CTIF: variants seen among roughly 807,000 people sequenced by gnomAD.
CTIF encodes CBP80/20-dependent translation initiation factor.
Under a neutral mutation model 66.0 loss-of-function variants are expected in CTIF, and 21 were observed. The observed-to-expected ratio is 0.32, with a 90% CI of 0.23 to 0.46. The LOEUF (loss-of-function observed/expected upper bound fraction) is 0.46. Among genes scored for constraint, CTIF ranks in the 20% least tolerant of loss-of-function variants. CTIF has a pLI of 1.00. For synonymous variants in CTIF, 345 were observed against 326.4 expected (o/e 1.06, Z -0.62); for missense variants, 739 against 812.7 (o/e 0.91, Z 1.10).
At chr18:48,638,416 C>G (rs901067892) in intron 3 of CTIF, among the ~76,000 whole-genome samples, 9 of 152,138 alleles carry the variant, frequency 5.9e-5, no homozygotes, top group Non-Finnish European at 1.3e-4. Flanking sequence ...TGTCTGCTGT[C>G]TTTCCCCTCT....
At chr18:48,846,236 A>AT (rs2069068471) in intron 10 of CTIF, among the ~76,000 whole-genome samples, 1 of 152,034 alleles carries the variant, frequency 6.6e-6, no homozygotes, top group African/African-American at 2.4e-5. Context: ...GCTAGTGCAC[A>AT]TTTTTTGCTT....
At chr18:48,689,174 C>T (rs1367882159) in intron 6 of CTIF, among the ~76,000 whole-genome samples, 1 of 152,252 alleles carries the variant, frequency 6.6e-6, no homozygotes, top group Non-Finnish European at 1.5e-5. Flanking sequence ...TCATTGTTCT[C>T]TGTTCTGCAT....
At chr18:48,768,644 T>C (rs1909810819) in intron 9 of CTIF, among the ~76,000 whole-genome samples, 1 of 152,192 alleles carries the variant, frequency 6.6e-6, no homozygotes, top group South Asian at 2.1e-4. Flanking sequence ...GAGCAATGGC[T>C]CATGCCTGTA....
In CTIF at chr18:48,736,613, G is replaced by A. The variant is rs79257143; in HGVS notation, c.585-21306G>A. ...GTGTGAGTCGTGATGGGGGTTGGGG[G>A]AAGAAGGAAAAACATATAGAATGGG... On this transcript the variant is annotated intron_variant, in intron 7 of 11. Coordinates refer to ENST00000256413, the MANE Select transcript of CTIF (RefSeq NM_014772.3). 3.5e-3 allele frequency among the ~76,000 whole-genome samples: 526 copies of A among 152,320 alleles called. 2 individuals carry two copies. The highest frequency in any genetic ancestry group is 0.012 in the African/African-American group (488 of 41,566).
rs34004475 is a variant in CTIF, at chr18:48,808,516, C to CTTT, written c.1372-8690_1372-8688dup. Reference sequence around the variant, plus strand: ...TTTCATTCTCTTCAAATTTTTGGTCCTTTTTTTTTTTTTTTTTAACATTTG... The same window carrying CTTT: ...TTTCATTCTCTTCAAATTTTTGGTCCTTTTTTTTTTTTTTTTTTTTAACATTTG... On this transcript the variant is annotated intron_variant, in intron 9 of 11. Transcript: ENST00000256413. 1.9e-3 allele frequency among the ~76,000 whole-genome samples: 259 copies of CTTT among 135,524 alleles called. 2 individuals are homozygous for CTTT. The East Asian group carries it at 0.022, about 12-fold the overall frequency. The allele number at this position is 135,524 out of a possible 152,430, so 88.9% of individuals were successfully genotyped here.
intron 1 of CTIF, among the ~76,000 whole-genome samples, chr18:48,547,156 G>A (rs2088771584): frequency 6.6e-6 from 1 of 152,138 alleles, no homozygotes; most frequent in African/African-American, 2.4e-5. Context: ...TTTTAAAAGG[G>A]CCTTGGAGAC....
At chr18:48,750,460 G>A (rs1467304776) in intron 7 of CTIF, among the ~76,000 whole-genome samples, 2 of 152,252 alleles carry the variant, frequency 1.3e-5, no homozygotes, top group Non-Finnish European at 1.5e-5. Context: ...GCAGGAGTCT[G>A]CACGCTTTCC....
At chr18:48,745,128 G>C (rs1215500361) in intron 7 of CTIF, among the ~76,000 whole-genome samples, 1 of 152,148 alleles carries the variant, frequency 6.6e-6, no homozygotes, top group Non-Finnish European at 1.5e-5. Flanking sequence ...AGCCAACCTG[G>C]GGCAGTTCTT....
At chr18:48,827,436 A>G (rs907364115) in intron 10 of CTIF, among the ~76,000 whole-genome samples, 2 of 152,090 alleles carry the variant, frequency 1.3e-5, no homozygotes, top group African/African-American at 4.8e-5. Flanking sequence ...CAGATGGAGG[A>G]AGAGGCGAGG....
chr18:48,559,766 G>A (rs952179816), intron 1 of CTIF, among the ~76,000 whole-genome samples: 1 of 152,248 alleles, frequency 6.6e-6, no homozygotes, highest in South Asian at 2.1e-4. Flanking sequence ...TAATCCCAAT[G>A]TAGAGTGGAG....
chr18:48,692,182 C>G (rs1167781028), intron 6 of CTIF, among the ~76,000 whole-genome samples: 2 of 152,130 alleles, frequency 1.3e-5, no homozygotes, highest in African/African-American at 4.8e-5. Context: ...AAGTTTTTAT[C>G]TTTGTAAAAC....
intron 10 of CTIF, among the ~76,000 whole-genome samples, chr18:48,852,922 C>T (rs539995452): frequency 7.2e-5 from 11 of 152,252 alleles, no homozygotes; most frequent in Non-Finnish European, 1.6e-4. Context: ...GCAGACGCAT[C>T]GATAATAATT....
At position 48,823,466 on chromosome 18, in the gene CTIF, G is replaced by A. The variant is rs992206153; in HGVS notation, c.1527+6090G>A. 4.6e-5 allele frequency among the ~76,000 whole-genome samples: 7 copies of A among 152,156 alleles called. No individual in the cohort carries two copies. In the South Asian group the frequency reaches 1.0e-3, roughly 22 times the overall value. ...TTGGCACCTTTGTTGAAGATCAGTC[G>A]ACTGTAAATGTGTGGATTTATTTTT... On this transcript the variant is annotated intron_variant, in intron 10 of 11. Coordinates refer to ENST00000256413, the MANE Select transcript of CTIF (RefSeq NM_014772.3).
At chr18:48,711,793 C>G in intron 7 of CTIF, 98 bp downstream of exon 7, 4 of 1,006,268 alleles carry the variant, frequency 4.0e-6, no homozygotes, top group Admixed American at 1.7e-5. Flanking sequence ...TTCCCAGTCA[C>G]CAGCTGATCC....
chr18:48,626,592 C>CA, intron 2 of CTIF, among the ~76,000 whole-genome samples: 1 of 150,452 alleles, frequency 6.6e-6, no homozygotes, highest in East Asian at 2.0e-4. Flanking sequence ...GTGATCCCCT[C>CA]CCATGGCCTC....
intron 9 of CTIF, among the ~76,000 whole-genome samples, chr18:48,806,471 G>A (rs1445272929): frequency 6.6e-6 from 1 of 152,144 alleles, no homozygotes; most frequent in Non-Finnish European, 1.5e-5. Flanking sequence ...GGGTCACTGG[G>A]GGCATAGCGT....
intron 6 of CTIF, among the ~76,000 whole-genome samples, chr18:48,676,361 C>T (rs946700922): frequency 6.6e-6 from 1 of 152,216 alleles, no homozygotes; most frequent in Non-Finnish European, 1.5e-5. Context: ...CTTGAATTCT[C>T]CCAGACAAAC....
chr18:48,632,566 C>G (rs2090738653), intron 2 of CTIF, among the ~76,000 whole-genome samples: 1 of 152,220 alleles, frequency 6.6e-6, no homozygotes, highest in South Asian at 2.1e-4. Context: ...CCCCCCTGGG[C>G]CAGTTCAGCC....
rs1041126709 is a variant in CTIF, at chr18:48,678,310, A to T, written c.507+7566A>T. Among the ~76,000 whole-genome samples, 14 of 152,136 alleles carry T rather than the reference A, an allele frequency of 9.2e-5. 1 individual carries two copies. The highest frequency in any genetic ancestry group is 6.2e-4 in the South Asian group (3 of 4,826). On this transcript the variant is annotated intron_variant, in intron 6 of 11. Transcript: ENST00000256413. ...TATTTTTTTCTTCTTTTTTAATCAG[A>T]CAGGTTTGTAGTGGCCTTCCCCATC...
Sources: allele counts gnomAD v4.1 joint callset (sites outside exome capture counted in the v4.1 genomes callset), GRCh38; gene constraint gnomAD v4.1.1; transcripts MANE v1.5; gene names NCBI Gene and HGNC (gene_info 2026-07-23, HGNC 2026-07-21).